The following FGF12 variants were observed in gnomAD, a reference collection of about 807,000 sequenced individuals.
FGF12 encodes the protein fibroblast growth factor 12B.
A neutral mutation model predicts 23.6 loss-of-function variants in FGF12; 14 were observed. The observed-to-expected ratio is 0.59, with a 90% confidence interval of 0.39 to 0.93. FGF12 has a LOEUF of 0.93. FGF12 is among the 40% of genes least tolerant of loss of function. The probability of loss-of-function intolerance (pLI) is 0.00; values close to 1 mark genes in which losing one functional copy is unlikely to be tolerated. For synonymous variants in FGF12, 62 were observed against 77.3 expected (o/e 0.80, Z 1.04); for missense variants, 175 against 217.8 (o/e 0.80, Z 1.24).
At chr3:192,521,971 G>C (rs7613346) in intron 2 of FGF12, among the ~76,000 whole-genome samples, 1 of 151,994 alleles carries the variant, frequency 6.6e-6, no homozygotes, top group Non-Finnish European at 1.5e-5. Context: ...GGCCGAGGCG[G>C]GCGGATCACG....
At chr3:192,691,243 A>C (rs112211413) in intron 2 of FGF12, among the ~76,000 whole-genome samples, 1 of 152,126 alleles carries the variant, frequency 6.6e-6, no homozygotes, top group Non-Finnish European at 1.5e-5. Flanking sequence ...CATTCTTCTT[A>C]ATGGCACACG....
intron 4 of FGF12, among the ~76,000 whole-genome samples, chr3:192,323,671 T>C (rs1716663975): frequency 6.6e-6 from 1 of 152,216 alleles, no homozygotes; most frequent in South Asian, 2.1e-4. Flanking sequence ...TAAGCTAATG[T>C]ACATTTTAAA....
At chr3:192,525,741 T>C (rs1724926477) in intron 2 of FGF12, among the ~76,000 whole-genome samples, 1 of 152,178 alleles carries the variant, frequency 6.6e-6, no homozygotes, top group Admixed American at 6.5e-5. Context: ...TACATGAACT[T>C]AACTCCATCC....
intron 2 of FGF12, among the ~76,000 whole-genome samples, chr3:192,669,949 T>A (rs966466853): frequency 3.3e-5 from 5 of 152,226 alleles, no homozygotes; most frequent in Non-Finnish European, 7.3e-5. Flanking sequence ...AAAGAGTTAA[T>A]TGATATGACT....
chr3:192,387,315 G>A (rs1012520071), intron 2 of FGF12, among the ~76,000 whole-genome samples: 4 of 151,926 alleles, frequency 2.6e-5, no homozygotes, highest in African/African-American at 7.3e-5. Context: ...GGGGCTATTC[G>A]GAAGCTCAAA....
At chr3:192,693,258 C>T (rs1465983501) in intron 2 of FGF12, among the ~76,000 whole-genome samples, 2 of 151,344 alleles carry the variant, frequency 1.3e-5, no homozygotes, top group Non-Finnish European at 2.9e-5. Flanking sequence ...TACTGAAAAC[C>T]ATAAGGTGAA....
chr3:192,597,230 C>A (rs562856283), intron 2 of FGF12, among the ~76,000 whole-genome samples: 1 of 152,108 alleles, frequency 6.6e-6, no homozygotes, highest in Non-Finnish European at 1.5e-5. Flanking sequence ...CATTAAAGAA[C>A]ATATTGAGTG....
Position 192,275,932 on chromosome 3 carries a change from T to C in FGF12, c.228+59429A>G, listed in dbSNP as rs563458675. Among the ~76,000 whole-genome samples the C allele has an allele frequency of 5.3e-5, 8 of 152,308 alleles. No homozygotes were observed. In the East Asian group the frequency reaches 5.8e-4, roughly 11 times the overall value. On this transcript the variant is annotated intron_variant, in intron 4 of 5. Coordinates refer to ENST00000445105, the MANE Select transcript of FGF12 (RefSeq NM_004113.6). ...CCTCACTGAGATGGATTGGAACCCC[T>C]TTCCCTGTAATCTGAAACTAACATA...
chr3:192,561,870 G>A (rs1040804040), intron 2 of FGF12, among the ~76,000 whole-genome samples: 4 of 150,024 alleles, frequency 2.7e-5, no homozygotes, highest in Non-Finnish European at 4.4e-5. Context: ...TTTTACACAA[G>A]AGAAGTTAAA....
intron 2 of FGF12, among the ~76,000 whole-genome samples, chr3:192,451,739 T>C (rs992528085): frequency 3.3e-5 from 5 of 152,212 alleles, no homozygotes; most frequent in African/African-American, 1.2e-4. Flanking sequence ...ACCTATGTAG[T>C]AATGCATAGC....
chr3:192,241,832 G>A (rs1719632245), intron 4 of FGF12, among the ~76,000 whole-genome samples: 1 of 152,110 alleles, frequency 6.6e-6, no homozygotes, highest in Non-Finnish European at 1.5e-5. Flanking sequence ...TTTAAGGAAT[G>A]AAATTCATAC....
At chr3:192,335,532 A>G in intron 3 of FGF12, 68 bp from the exon 4 acceptor site, 2 of 981,968 alleles carry the variant, frequency 2.0e-6, no homozygotes, top group Non-Finnish European at 3.2e-6. Flanking sequence ...TCTTATAATC[A>G]TTCTTTTGAG....
chr3:192,640,523 C>A (rs1334281136), intron 2 of FGF12, among the ~76,000 whole-genome samples: 1 of 152,024 alleles, frequency 6.6e-6, no homozygotes, highest in Non-Finnish European at 1.5e-5. Context: ...CAAAAGAAAG[C>A]TGCTAAGAGG....
At chr3:192,525,057 C>T (rs1239233080) in intron 2 of FGF12, among the ~76,000 whole-genome samples, 1 of 152,094 alleles carries the variant, frequency 6.6e-6, no homozygotes, top group East Asian at 1.9e-4. Flanking sequence ...TTTCCTTCTA[C>T]TTCTCTATTA....
intron 4 of FGF12, among the ~76,000 whole-genome samples, chr3:192,217,421 AG>A (rs1438270555): frequency 6.6e-6 from 1 of 152,172 alleles, no homozygotes; most frequent in Non-Finnish European, 1.5e-5. Flanking sequence ...GCTGAAGCAA[AG>A]AGGTCTAATC....
At chr3:192,329,159 ACGATGTAATTC>A (rs986152638) in intron 4 of FGF12, among the ~76,000 whole-genome samples, 7 of 152,210 alleles carry the variant, frequency 4.6e-5, no homozygotes, top group African/African-American at 7.2e-5. Flanking sequence ...AAAGATGAAT[ACGATGTAATTC>A]CTGCCCACCA....
chr3:192,322,283 T>C (rs1716586522), intron 4 of FGF12, among the ~76,000 whole-genome samples: 1 of 151,794 alleles, frequency 6.6e-6, no homozygotes, highest in South Asian at 2.1e-4. Context: ...AACTCTACAA[T>C]AAAAACTATA....
intron 2 of FGF12, among the ~76,000 whole-genome samples, chr3:192,628,825 A>G (rs907307775): frequency 6.6e-6 from 1 of 151,746 alleles, no homozygotes; most frequent in Non-Finnish European, 1.5e-5. Flanking sequence ...AGATATTAAT[A>G]TATATACACA....
chr3:192,567,272 A>G (rs555354598), intron 2 of FGF12, among the ~76,000 whole-genome samples: 34 of 152,278 alleles, frequency 2.2e-4, no homozygotes, highest in African/African-American at 8.2e-4. Flanking sequence ...TAGTGGGGAA[A>G]AAAATCTAAG....
Sources: gnomAD v4.1 joint callset for allele counts (sites outside exome capture counted in the v4.1 genomes callset) on GRCh38, gnomAD v4.1.1 for gene constraint, MANE v1.5 for transcripts, NCBI Gene and HGNC (gene_info 2026-07-23, HGNC 2026-07-21) for gene names.